The following DPYSL2 variants were observed in gnomAD, a reference collection of about 807,000 sequenced individuals.
The protein encoded by DPYSL2 is dihydropyrimidinase-related protein 2.
DPYSL2 carries 13 observed loss-of-function variants against 69.9 expected under a neutral mutation model. The ratio of observed to expected loss-of-function variants is 0.19; its 90% confidence interval spans 0.12 to 0.30. The LOEUF is 0.30. Among genes scored for constraint, DPYSL2 ranks in the 10% least tolerant of loss-of-function variants. The pLI is 1.00. For synonymous variants in DPYSL2, 326 were observed against 359.1 expected (o/e 0.91, Z 1.04); for missense variants, 587 against 918.9 (o/e 0.64, Z 4.67).
At chr8:26,543,012 A>T (rs1800710148) in intron 1 of DPYSL2, among the ~76,000 whole-genome samples, 2 of 152,338 alleles carry the variant, frequency 1.3e-5, no homozygotes, top group South Asian at 4.1e-4. Context: ...TGTTAGAAAA[A>T]AGTATAATCC....
intron 3 of DPYSL2, among the ~76,000 whole-genome samples, chr8:26,584,862 G>A (rs1269127430): frequency 6.6e-6 from 1 of 152,000 alleles, no homozygotes; most frequent in African/African-American, 2.4e-5. Context: ...CAGGTGATCT[G>A]CCTGCCTCGG....
intron 1 of DPYSL2, among the ~76,000 whole-genome samples, chr8:26,527,429 A>G (rs532686643): frequency 6.6e-6 from 1 of 151,802 alleles, no homozygotes; most frequent in African/African-American, 2.4e-5. Context: ...TTTCCTTTGT[A>G]TTTATCTTCA....
chr8:26,631,137 A>C (rs1390651954), intron 7 of DPYSL2, among the ~76,000 whole-genome samples: 2 of 152,258 alleles, frequency 1.3e-5, no homozygotes, highest in Admixed American at 6.5e-5. Context: ...GGCTTTGCTG[A>C]AGAGGAAAAT....
intron 1 of DPYSL2, among the ~76,000 whole-genome samples, chr8:26,544,908 C>A (rs1442902780): frequency 2.6e-5 from 4 of 152,130 alleles, no homozygotes; most frequent in African/African-American, 9.7e-5. Context: ...TCTGTAGACA[C>A]AAGGAAGATC....
Position 26,514,365 on chromosome 8 carries a change from G to A in DPYSL2, c.40G>A (p.Glu14Lys). The A allele has an allele frequency of 6.7e-7, 1 of 1,503,284 alleles. No homozygotes were observed. The highest frequency in any genetic ancestry group is 8.8e-7 in the Non-Finnish European group (1 of 1,132,106). 93.1% of individuals were successfully genotyped at this position (1,503,284 alleles called of 1,614,324 possible). ...GCAATCCGGGAAGGCGGCAGAGGAC[G>A]AAGAGGTCCCTGCTTTTTTTAAAAA... The part of the protein sequence containing the change: ...RKQSGKAAED[E>K]EVPAFFKNLG... The change falls in exon 1 of 14, where the codon GAA (glutamate) becomes AAA (lysine). Residue 14 changes from glutamate to lysine, a missense_variant. Around this residue, in one of 3 missense-constraint regions of DPYSL2, gnomAD observed 50 missense variants for 86.8 expected, o/e 0.58. Coordinates refer to ENST00000521913, the MANE Select transcript of DPYSL2 (RefSeq NM_001197293.3). This position sits in a 1 kb window ranked among gnomAD's most constrained non-coding sequence, Gnocchi z 8.4.
intron 7 of DPYSL2, among the ~76,000 whole-genome samples, chr8:26,630,802 G>A (rs556786756): frequency 1.5e-4 from 23 of 152,266 alleles, no homozygotes; most frequent in African/African-American, 5.5e-4. Context: ...AAAGTGCAGG[G>A]TCCTGCCTGC....
chr8:26,567,696 G>T, intron 1 of DPYSL2, among the ~76,000 whole-genome samples: 1 of 152,376 alleles, frequency 6.6e-6, no homozygotes, highest in African/African-American at 2.4e-5. Context: ...GGGTCCAAGA[G>T]GGCCTGGGCA....
At chr8:26,612,634 T>C (rs1802258041) in intron 3 of DPYSL2, among the ~76,000 whole-genome samples, 1 of 152,252 alleles carries the variant, frequency 6.6e-6, no homozygotes, top group African/African-American at 2.4e-5. Context: ...GGTGGATCAC[T>C]TGAGCTCATT....
rs35515244 is a variant in DPYSL2, at chr8:26,564,773, TA to T, written c.355-17190del. ...TTTCTTTTTAAAAGAATTTTTTTTT[TA>T]AAAAATTTCAATAGCTTTTGGGATA... is the stretch of plus-strand genomic sequence containing the variant. On this transcript the variant is annotated intron_variant, in intron 1 of 13. Transcript: ENST00000521913. The surrounding 1 kb of genome is among the most constrained non-coding windows in gnomAD (Gnocchi z 4.8). Among the ~76,000 whole-genome samples the T allele has an allele frequency of 3.7e-4, 53 of 145,078 alleles. No individual in the cohort carries two copies. Among genetic ancestry groups the T allele is most frequent in the African/African-American group, 8.9e-4 (36 of 40,522 alleles).
Position 26,644,151 on chromosome 8 carries a change from G to T in DPYSL2, c.1425+60G>T. The T allele has an allele frequency of 1.3e-6, 2 of 1,574,704 alleles. No individual in the cohort carries two copies. Among genetic ancestry groups the T allele is most frequent in the South Asian group, 2.4e-5 (2 of 84,960 alleles). Reference sequence around the variant, plus strand: ...CAGCCTTCCTTGTCCTCCTCATCTGGGGGCCATGGGGCTCATGGAGGCCTT... The same window carrying T: ...CAGCCTTCCTTGTCCTCCTCATCTGTGGGCCATGGGGCTCATGGAGGCCTT... On this transcript the variant is annotated intron_variant, in intron 10 of 13. Transcript: ENST00000521913. This position sits in a 1 kb window ranked among gnomAD's most constrained non-coding sequence, Gnocchi z 4.5.
chr8:26,599,677 A>G (rs1801949204), intron 3 of DPYSL2, among the ~76,000 whole-genome samples: 2 of 151,708 alleles, frequency 1.3e-5, no homozygotes, highest in Non-Finnish European at 2.9e-5. Flanking sequence ...TGATTCTACT[A>G]CTGCACTCCA....
chr8:26,585,667 T>A lies in DPYSL2; in HGVS notation c.628+1684T>A, dbSNP rs1585525943. On this transcript the variant is annotated intron_variant, in intron 3 of 13. Coordinates refer to ENST00000521913, the MANE Select transcript of DPYSL2 (RefSeq NM_001197293.3). The surrounding 1 kb of genome is among the most constrained non-coding windows in gnomAD (Gnocchi z 4.0). ...TCTGCCTCTCCTCCAGGGCGGACTGTGGAGAAACACTTGAACTTGGAGAAG... is the reference window on the plus strand; with the variant it reads ...TCTGCCTCTCCTCCAGGGCGGACTGAGGAGAAACACTTGAACTTGGAGAAG... 6.6e-6 allele frequency among the ~76,000 whole-genome samples: 1 copy of A among 152,132 alleles called. No individual in the cohort carries two copies. The highest frequency in any genetic ancestry group is 1.9e-4 in the East Asian group (1 of 5,196).
In DPYSL2 at chr8:26,655,645, G is replaced by T; in HGVS notation, c.1973G>T (p.Arg658Leu). The T allele has an allele frequency of 6.2e-7, 1 of 1,609,986 alleles. No individual in the cohort carries two copies. The highest frequency in any genetic ancestry group is 8.5e-7 in the Non-Finnish European group (1 of 1,179,124). ...GAQIDDNIPRRTTQRIVAPPG... is the reference protein window; with the variant it reads ...GAQIDDNIPRLTTQRIVAPPG... Reference sequence around the variant, plus strand: ...CAGATTGATGACAACATTCCCCGCCGCACCACCCAGCGTATCGTGGCGCCC... The same window carrying T: ...CAGATTGATGACAACATTCCCCGCCTCACCACCCAGCGTATCGTGGCGCCC... The change falls in exon 14 of 14, where the codon CGC becomes CTC. Residue 658 changes from arginine to leucine, a missense_variant. Physicochemically the swap from Arg to Leu is moderately radical, Grantham distance 102 (BLOSUM62 -2). This residue lies in a region of DPYSL2 where 452 missense variants were observed against 754.3 expected (regional missense o/e 0.60). Transcript: ENST00000521913.
chr8:26,613,801 A>G (rs1407015026), intron 3 of DPYSL2, among the ~76,000 whole-genome samples: 1 of 152,120 alleles, frequency 6.6e-6, no homozygotes, highest in Non-Finnish European at 1.5e-5. Context: ...TGTGAGTGGA[A>G]TCTAATGAGT....
At chr8:26,639,501 C>T (rs568366252) in intron 8 of DPYSL2, among the ~76,000 whole-genome samples, 7 of 152,250 alleles carry the variant, frequency 4.6e-5, no homozygotes, top group Non-Finnish European at 8.8e-5. Flanking sequence ...AGGATGAGAT[C>T]CTACTTCTGG....
At chr8:26,603,257 C>T (rs1281360212) in intron 3 of DPYSL2, among the ~76,000 whole-genome samples, 1 of 152,152 alleles carries the variant, frequency 6.6e-6, no homozygotes, top group Non-Finnish European at 1.5e-5. Flanking sequence ...ACTACAACCT[C>T]CACCTCCCGG....
Position 26,643,325 on chromosome 8 carries a change from A to C in DPYSL2, c.1127-114A>C. On this transcript the variant is annotated intron_variant, in intron 8 of 13. Coordinates refer to ENST00000521913, the MANE Select transcript of DPYSL2 (RefSeq NM_001197293.3). The surrounding 1 kb of genome is among the most constrained non-coding windows in gnomAD (Gnocchi z 6.5). Reference sequence around the variant, plus strand: ...CTGCGAGATGAGCCTGATATTTCCTATAAAGGGATAGTGAGTGCACTGGGT... The same window carrying C: ...CTGCGAGATGAGCCTGATATTTCCTCTAAAGGGATAGTGAGTGCACTGGGT... The C allele has an allele frequency of 8.8e-7, 1 of 1,142,448 alleles. No individual in the cohort carries two copies. The highest frequency in any genetic ancestry group is 1.2e-6 in the Non-Finnish European group (1 of 814,888). 70.8% of individuals were successfully genotyped at this position (1,142,448 alleles called of 1,614,324 possible). A position where few individuals can be genotyped will look rare whatever the true frequency, so the allele number is the denominator to read the frequency against.
rs1382783994 is a variant in DPYSL2 at position 26,621,058 on chromosome 8, C to T, written c.629-3085C>T. On this transcript the variant is annotated intron_variant, in intron 3 of 13. Coordinates refer to ENST00000521913, the MANE Select transcript of DPYSL2 (RefSeq NM_001197293.3). The surrounding 1 kb of genome is among the most constrained non-coding windows in gnomAD (Gnocchi z 4.9). ...TTTTCTTCCGCTTTATCTTGCATTA[C>T]TCTTTCTGGTTTATCACATTTTCTT... Among the ~76,000 whole-genome samples the T allele has an allele frequency of 6.6e-6, 1 of 152,170 alleles. No homozygotes were observed. Among genetic ancestry groups the T allele is most frequent in the Admixed American group, 6.5e-5 (1 of 15,284 alleles).
rs1229690541 is a variant in DPYSL2, at chr8:26,514,412, G to A, written c.87G>A (p.Lys29=). Residue 29 remains lysine (K), a synonymous_variant, in exon 1 of 14, where the codon AAG becomes AAA. Transcript: ENST00000521913. The surrounding 1 kb of genome is among the most constrained non-coding windows in gnomAD (Gnocchi z 8.4). ...FFKNLGSGSP[K]PRQKFCGMFC... The stretch of plus-strand genomic sequence containing the variant: ...AAAACCTGGGCTCCGGCAGCCCCAA[G>A]CCCCGGCAGAAATTCTGTGGCATGT... The A allele has an allele frequency of 6.6e-7, 1 of 1,518,222 alleles. No homozygotes were observed. The highest frequency in any genetic ancestry group is 8.8e-7 in the Non-Finnish European group (1 of 1,139,526). The allele number at this position is 1,518,222 out of a possible 1,614,324, so 94.0% of individuals were successfully genotyped here.
Sources: gnomAD v4.1 joint callset for allele counts (sites outside exome capture counted in the v4.1 genomes callset) on GRCh38, gnomAD v4.1.1 for gene constraint, gnomAD v4.1.1 regional missense constraint, Gnocchi (gnomAD v3.1) non-coding constraint, MANE v1.5 for transcripts, NCBI Gene and HGNC (gene_info 2026-07-23, HGNC 2026-07-21) for gene names.